ATP10B: variants seen among roughly 807,000 people sequenced by gnomAD.
ATP10B encodes phospholipid-transporting ATPase VB.
A neutral mutation model predicts 141.2 loss-of-function variants in ATP10B; 122 were observed. The ratio of observed to expected loss-of-function variants is 0.86; its 90% confidence interval spans 0.75 to 1.00. ATP10B has a LOEUF of 1.00. Ranked by LOEUF, ATP10B falls within the 50% of genes least tolerant of loss-of-function variation. The probability of loss-of-function intolerance (pLI) is 0.00; values close to 1 mark genes in which losing one functional copy is unlikely to be tolerated. For missense variants in ATP10B, 1,876 were observed against 1,825.3 expected (o/e 1.03, Z -0.51); for synonymous variants, 685 against 692.0 (o/e 0.99, Z 0.16).
At chr5:160,902,395 C>G in the ATP10B span, among the ~76,000 whole-genome samples, 2 of 152,174 alleles carry the variant, frequency 1.3e-5, no homozygotes, top group Non-Finnish European at 2.9e-5. Flanking sequence ...AAGAAACAAA[C>G]TCACTACTTT....
intron 2 of ATP10B, among the ~76,000 whole-genome samples, chr5:160,732,249 A>G (rs565642263): frequency 6.6e-6 from 1 of 152,374 alleles, no homozygotes; most frequent in African/African-American, 2.4e-5. Context: ...TTCACTGGAC[A>G]GATTTAACAG....
At chr5:160,640,357 A>G in intron 10 of ATP10B, 104 bp downstream of exon 10, 2 of 1,328,958 alleles carry the variant, frequency 1.5e-6, no homozygotes, top group Non-Finnish European at 2.1e-6. Context: ...TGGGCAGGGT[A>G]GGCTTTACAT....
chr5:160,671,590 T>C (rs1181516929), intron 6 of ATP10B, among the ~76,000 whole-genome samples: 2 of 152,108 alleles, frequency 1.3e-5, no homozygotes, highest in Non-Finnish European at 2.9e-5. Flanking sequence ...ACTGTGGAAT[T>C]AGAGGGCCGA....
chr5:160,892,642 A>G, the ATP10B span, among the ~76,000 whole-genome samples: 5 of 152,230 alleles, frequency 3.3e-5, no homozygotes, highest in Admixed American at 3.3e-4. Context: ...TCAAATGAAA[A>G]AAGTCATGAT....
intron 1 of ATP10B, among the ~76,000 whole-genome samples, chr5:160,818,326 A>G (rs1038345957): frequency 2.6e-5 from 4 of 152,334 alleles, no homozygotes; most frequent in South Asian, 2.1e-4. Context: ...AACCCCATCA[A>G]AAAGTGGGCA....
intron 1 of ATP10B, among the ~76,000 whole-genome samples, chr5:160,818,647 G>T (rs1318504369): frequency 6.6e-6 from 1 of 152,176 alleles, no homozygotes; most frequent in Non-Finnish European, 1.5e-5. Flanking sequence ...TCCCATTACT[G>T]GGTATATACC....
the ATP10B span, among the ~76,000 whole-genome samples, chr5:160,918,193 T>C: frequency 6.6e-6 from 1 of 152,156 alleles, no homozygotes; most frequent in South Asian, 2.1e-4. Context: ...AAAGTGGAGA[T>C]AGAGCAGGTC....
the ATP10B span, among the ~76,000 whole-genome samples, chr5:160,923,705 G>A: frequency 6.6e-6 from 1 of 152,262 alleles, no homozygotes; most frequent in Admixed American, 6.5e-5. Flanking sequence ...TTTTCTTGAC[G>A]TACAGCCACA....
chr5:160,915,969 C>A, the ATP10B span, among the ~76,000 whole-genome samples: 1 of 152,194 alleles, frequency 6.6e-6, no homozygotes, highest in Admixed American at 6.5e-5. Flanking sequence ...TCCCTCAGCC[C>A]GCCATCTGTG....
At chr5:160,621,091 A>G (rs1758323067) in intron 14 of ATP10B, 141 bp from the exon 15 acceptor site, 1 of 1,036,796 alleles carries the variant, frequency 9.6e-7, no homozygotes. Context: ...AAGCATTGAC[A>G]ATGGTCATTT....
intron 10 of ATP10B, among the ~76,000 whole-genome samples, chr5:160,638,448 G>A (rs186941165): frequency 1.4e-4 from 22 of 152,262 alleles, no homozygotes; most frequent in Non-Finnish European, 2.9e-4. Flanking sequence ...GCATCTTGGG[G>A]ACACAGGTGG....
intron 2 of ATP10B, among the ~76,000 whole-genome samples, chr5:160,727,545 G>T (rs1766443654): frequency 6.6e-6 from 1 of 152,270 alleles, no homozygotes; most frequent in African/African-American, 2.4e-5. Flanking sequence ...TTATTCCTGA[G>T]GGTGTTTTCA....
chr5:160,899,797 G>A, the ATP10B span, among the ~76,000 whole-genome samples: 1 of 152,170 alleles, frequency 6.6e-6, no homozygotes, highest in Non-Finnish European at 1.5e-5. Context: ...CAGGATCTAA[G>A]CTCCTGTCAG....
intron 1 of ATP10B, among the ~76,000 whole-genome samples, chr5:160,809,831 G>A (rs542410066): frequency 4.7e-4 from 72 of 152,220 alleles, no homozygotes; most frequent in African/African-American, 1.5e-3. Flanking sequence ...GAAGGGATCG[G>A]GACTGAGAGA....
At chr5:160,920,136 G>C in the ATP10B span, among the ~76,000 whole-genome samples, 2 of 152,196 alleles carry the variant, frequency 1.3e-5, no homozygotes, top group African/African-American at 4.8e-5. Flanking sequence ...GGCAGGGAGA[G>C]TGGACACTGA....
At chr5:160,898,366 T>C in the ATP10B span, among the ~76,000 whole-genome samples, 1 of 152,178 alleles carries the variant, frequency 6.6e-6, no homozygotes, top group Non-Finnish European at 1.5e-5. Context: ...AAAGATGACA[T>C]TTATGCAGTC....
the ATP10B span, among the ~76,000 whole-genome samples, chr5:160,921,698 T>C: frequency 6.6e-6 from 1 of 152,352 alleles, no homozygotes; most frequent in Admixed American, 6.5e-5. Flanking sequence ...GACAATGTCT[T>C]ATAGTTATCA....
At chr5:160,886,675 C>A in the ATP10B span, among the ~76,000 whole-genome samples, 3 of 152,208 alleles carry the variant, frequency 2.0e-5, no homozygotes, top group South Asian at 6.2e-4. Flanking sequence ...AATTAACATC[C>A]CTTCTTCCAG....
rs185227710 is a variant in ATP10B at position 160,657,094 on chromosome 5, G to A, written c.676-7838C>T. On this transcript the variant is annotated intron_variant, in intron 7 of 25. Coordinates refer to ENST00000327245, the MANE Select transcript of ATP10B (RefSeq NM_025153.3). ...CAGCTGACTGTGCCAAGGAATAGGG[G>A]TTACAGGGTAGGCAAACCATGCCAA... 5.1e-3 allele frequency among the ~76,000 whole-genome samples: 776 copies of A among 152,244 alleles called. 3 individuals carry two copies. The highest frequency in any genetic ancestry group is 0.017 in the African/African-American group (726 of 41,530).
Sources: gnomAD v4.1 joint callset for allele counts (sites outside exome capture counted in the v4.1 genomes callset) on GRCh38, gnomAD v4.1.1 for gene constraint, MANE v1.5 for transcripts, NCBI Gene and HGNC (gene_info 2026-07-23, HGNC 2026-07-21) for gene names.